Variants in PARP8 observed in about 807,000 individuals in gnomAD.
PARP8 encodes protein mono-ADP-ribosyltransferase PARP8.
PARP8 carries 51 observed loss-of-function variants against 124.1 expected under a neutral mutation model. The ratio of observed to expected loss-of-function variants is 0.41; its 90% confidence interval spans 0.33 to 0.52. The LOEUF (loss-of-function observed/expected upper bound fraction) is 0.52, where lower values mean the gene tolerates loss of function less well. Among genes scored for constraint, PARP8 ranks in the 20% least tolerant of loss-of-function variants. The probability of loss-of-function intolerance (pLI) is 0.21; values close to 1 mark genes in which losing one functional copy is unlikely to be tolerated. For missense variants in PARP8, 860 were observed against 1,018.9 expected (o/e 0.84, Z 2.12); for synonymous variants, 391 against 361.5 (o/e 1.08, Z -0.93).
At chr5:50,765,762 G>T (rs1466143700) in intron 7 of PARP8, among the ~76,000 whole-genome samples, 1 of 152,186 alleles carries the variant, frequency 6.6e-6, no homozygotes, top group African/African-American at 2.4e-5. Flanking sequence ...AAATGGGAAT[G>T]AATTTACTGT....
intron 7 of PARP8, among the ~76,000 whole-genome samples, chr5:50,774,322 A>G (rs112521675): frequency 0.016 from 2,367 of 151,594 alleles, 66 homozygotes; most frequent in African/African-American, 0.055. Context: ...CACCATCGTC[A>G]TCATGGCCCG....
intron 8 of PARP8, 55 bp downstream of exon 8, chr5:50,778,184 AT>A (rs1740250829): frequency 7.7e-7 from 1 of 1,290,652 alleles, no homozygotes; most frequent in South Asian, 1.3e-5. Flanking sequence ...ATTTTATTTT[AT>A]TTTTGGGGGA....
chr5:50,704,758 C>T (rs1355185993), intron 2 of PARP8, among the ~76,000 whole-genome samples: 1 of 152,136 alleles, frequency 6.6e-6, no homozygotes, highest in Non-Finnish European at 1.5e-5. Context: ...TTCATCTACT[C>T]TTTACCTTTT....
chr5:50,690,820 A>C (rs1752413205), intron 2 of PARP8, among the ~76,000 whole-genome samples: 1 of 152,142 alleles, frequency 6.6e-6, no homozygotes, highest in African/African-American at 2.4e-5. Context: ...AATAATGTTA[A>C]ATAGTGGGAA....
intron 1 of PARP8, 106 bp from the exon 2 acceptor site, chr5:50,667,965 C>T (rs1749547066): frequency 2.5e-6 from 4 of 1,596,962 alleles, no homozygotes; most frequent in South Asian, 2.2e-5. Context: ...TTGCCTTCTG[C>T]CCGGCCAGGC....
At chr5:50,777,588 A>T (rs1740172638) in intron 7 of PARP8, among the ~76,000 whole-genome samples, 1 of 151,916 alleles carries the variant, frequency 6.6e-6, no homozygotes, top group African/African-American at 2.4e-5. Context: ...CAAAACACTG[A>T]CATTTAAGTG....
At chr5:50,815,009 G>A (rs1744941062) in intron 14 of PARP8, among the ~76,000 whole-genome samples, 1 of 151,742 alleles carries the variant, frequency 6.6e-6, no homozygotes, top group Non-Finnish European at 1.5e-5. Flanking sequence ...AATTTCCCAG[G>A]AAAAAGTGGA....
intron 14 of PARP8, among the ~76,000 whole-genome samples, chr5:50,799,393 T>C (rs1043292162): frequency 2.0e-5 from 3 of 152,222 alleles, no homozygotes; most frequent in African/African-American, 7.2e-5. Context: ...TTGGTTTATT[T>C]CTGGACTCTC....
intron 2 of PARP8, among the ~76,000 whole-genome samples, chr5:50,704,764 C>T (rs557494686): frequency 6.6e-6 from 1 of 152,190 alleles, no homozygotes; most frequent in East Asian, 1.9e-4. Flanking sequence ...TACTCTTTAC[C>T]TTTTTAATGT....
At chr5:50,813,199 A>G (rs887090836) in intron 14 of PARP8, among the ~76,000 whole-genome samples, 1 of 152,110 alleles carries the variant, frequency 6.6e-6, no homozygotes, top group African/African-American at 2.4e-5. Flanking sequence ...GGCTATTTTC[A>G]CGAAATTGAT....
At chr5:50,667,433 C>G (rs1418785359) in intron 1 of PARP8, 1 of 701,154 alleles carries the variant, frequency 1.4e-6, no homozygotes, top group African/African-American at 1.7e-5. Flanking sequence ...GTGGCCGGAG[C>G]GGGGGTCTAG....
intron 7 of PARP8, among the ~76,000 whole-genome samples, chr5:50,769,511 C>T (rs1761389839): frequency 1.3e-5 from 2 of 151,816 alleles, no homozygotes. Context: ...TCAAGAATCC[C>T]AAATATGGTT....
intron 7 of PARP8, among the ~76,000 whole-genome samples, chr5:50,775,283 G>A (rs1739859545): frequency 6.6e-6 from 1 of 152,236 alleles, no homozygotes; most frequent in East Asian, 1.9e-4. Context: ...CATTGAGTGA[G>A]TGAGACTCCA....
chr5:50,697,498 G>A (rs79184044), intron 2 of PARP8, among the ~76,000 whole-genome samples: 10,132 of 152,192 alleles, frequency 0.067, 372 homozygotes, highest in Middle Eastern at 0.11. Flanking sequence ...TATATTTATC[G>A]TTATCTTTTC....
At chr5:50,771,636 A>G (rs1202127794) in intron 7 of PARP8, among the ~76,000 whole-genome samples, 1 of 151,648 alleles carries the variant, frequency 6.6e-6, no homozygotes, top group Non-Finnish European at 1.5e-5. Context: ...TCTGAACCCT[A>G]TAAAAGGGAT....
intron 2 of PARP8, among the ~76,000 whole-genome samples, chr5:50,741,210 G>A (rs1014825197): frequency 6.6e-6 from 1 of 152,128 alleles, no homozygotes; most frequent in African/African-American, 2.4e-5. Context: ...AAACTTTCGG[G>A]ATGCAATATG....
intron 2 of PARP8, among the ~76,000 whole-genome samples, chr5:50,679,389 G>C (rs1028628716): frequency 1.9e-4 from 29 of 152,200 alleles, no homozygotes; most frequent in African/African-American, 6.3e-4. Context: ...CTTTAGATTT[G>C]AAAGGTTGGG....
chr5:50,761,847 G>A lies in PARP8; in HGVS notation c.372G>A (p.Glu124=). The A allele has an allele frequency of 6.2e-7, 1 of 1,602,292 alleles. No homozygotes were observed. The highest frequency in any genetic ancestry group is 8.5e-7 in the Non-Finnish European group (1 of 1,172,232). ...AATCAAGACAGAATAGTACAGTGGA[G>A]GAAGATTCTGAAGGTGACAATGATT... ...GEESRQNSTV[E]EDSEGDNDSE... The change falls in exon 6 of 26, where the codon GAG becomes GAA. Residue 124 remains glutamate, a synonymous_variant. Transcript: ENST00000281631.
At position 50,842,140 on chromosome 5, in the gene PARP8, A is replaced by G; in HGVS notation, c.*72A>G. ...AAAGCTGGATTTTGAACTGAAGAAG[A>G]TTATAAAATTATTTATTGTTATTAT... On this transcript the variant is annotated 3_prime_UTR_variant, in exon 26 of 26. Transcript: ENST00000281631. The G allele has an allele frequency of 1.0e-6, 1 of 988,164 alleles. No individual in the cohort carries two copies. The highest frequency in any genetic ancestry group is 2.8e-5 in the East Asian group (1 of 36,348). 61.2% of individuals were successfully genotyped at this position (988,164 alleles called of 1,614,324 possible).
Sources: gnomAD v4.1 joint callset for allele counts (sites outside exome capture counted in the v4.1 genomes callset) on GRCh38, gnomAD v4.1.1 for gene constraint, MANE v1.5 for transcripts, NCBI Gene and HGNC (gene_info 2026-07-23, HGNC 2026-07-21) for gene names.